The following WWOX variants were observed in gnomAD, a reference collection of about 807,000 sequenced individuals.
WWOX encodes WW domain-containing oxidoreductase.
A neutral mutation model predicts 46.2 loss-of-function variants in WWOX; 69 were observed. The ratio of observed to expected loss-of-function variants is 1.49; its 90% confidence interval spans 1.23 to 1.82. WWOX has a LOEUF of 1.82. Ranked by LOEUF, WWOX falls within the 40% of genes most tolerant of loss-of-function variation. The probability of loss-of-function intolerance (pLI) is 0.00; values close to 1 mark genes in which losing one functional copy is unlikely to be tolerated. For synonymous variants in WWOX, 359 were observed against 202.6 expected, an observed-to-expected ratio of 1.77 and a Z score of -6.56; for missense variants, 919 against 542.6, an observed-to-expected ratio of 1.69 and a Z score of -6.89.
At chr16:78,329,231 G>A (rs2080703827) in intron 5 of WWOX, among the ~76,000 whole-genome samples, 1 of 152,144 alleles carries the variant, frequency 6.6e-6, no homozygotes, top group African/African-American at 2.4e-5. Flanking sequence ...TCGGTGGACT[G>A]AACGTTTGGT....
At chr16:78,178,118 A>G (rs964199217) in intron 5 of WWOX, among the ~76,000 whole-genome samples, 1 of 152,190 alleles carries the variant, frequency 6.6e-6, no homozygotes, top group East Asian at 1.9e-4. Flanking sequence ...GCTGACAGTG[A>G]AGGGAGGAGC....
At chr16:78,695,334 C>T (rs1038662915) in intron 8 of WWOX, among the ~76,000 whole-genome samples, 2 of 152,040 alleles carry the variant, frequency 1.3e-5, no homozygotes, top group Non-Finnish European at 2.9e-5. Flanking sequence ...AATTTGAATC[C>T]TCCCATATGT....
At chr16:79,158,059 A>T (rs1350656960) in intron 8 of WWOX, among the ~76,000 whole-genome samples, 1 of 152,142 alleles carries the variant, frequency 6.6e-6, no homozygotes, top group African/African-American at 2.4e-5. Context: ...CTAGGAATTT[A>T]TTGACCCTGG....
intron 8 of WWOX, among the ~76,000 whole-genome samples, chr16:78,984,336 C>G (rs60617787): frequency 2.6e-5 from 4 of 152,132 alleles, no homozygotes; most frequent in Non-Finnish European, 4.4e-5. Context: ...AAAGCACTCT[C>G]TAGGTCAAGA....
At chr16:78,630,360 C>T (rs1262835961) in intron 8 of WWOX, among the ~76,000 whole-genome samples, 1 of 152,106 alleles carries the variant, frequency 6.6e-6, no homozygotes. Context: ...ATAAAGATGG[C>T]TCACTCTGTC....
chr16:78,468,334 T>G lies in WWOX; in HGVS notation c.1056+35582T>G, dbSNP rs1403221029. Among the ~76,000 whole-genome samples, 4 of 151,698 alleles carry G rather than the reference T, an allele frequency of 2.6e-5. No individual in the cohort carries two copies. In the East Asian group the frequency reaches 7.8e-4, roughly 29 times the overall value. ...ACTCCAGACTGTGAGGCCCCACCTGTGCAGCCTGCTGGCTTCTCATACCAG... is the reference window on the plus strand; with the variant it reads ...ACTCCAGACTGTGAGGCCCCACCTGGGCAGCCTGCTGGCTTCTCATACCAG... On this transcript the variant is annotated intron_variant, in intron 8 of 8. Coordinates refer to ENST00000566780, the MANE Select transcript of WWOX (RefSeq NM_016373.4).
chr16:78,214,847 G>T (rs879749641), intron 5 of WWOX, among the ~76,000 whole-genome samples: 2 of 150,098 alleles, frequency 1.3e-5, no homozygotes, highest in Non-Finnish European at 3.0e-5. Flanking sequence ...AAAAAAAAAG[G>T]TTTGTCGTTT....
At chr16:78,184,361 G>C (rs2035628523) in intron 5 of WWOX, among the ~76,000 whole-genome samples, 1 of 152,158 alleles carries the variant, frequency 6.6e-6, no homozygotes, top group Non-Finnish European at 1.5e-5. Flanking sequence ...CATGATGCCA[G>C]AGAAAATGAC....
At chr16:79,010,699 G>A (rs774456589) in intron 8 of WWOX, among the ~76,000 whole-genome samples, 7 of 152,080 alleles carry the variant, frequency 4.6e-5, no homozygotes, top group Non-Finnish European at 5.9e-5. Flanking sequence ...AGGCTTCCAG[G>A]CAGAGGAGGT....
intron 4 of WWOX, among the ~76,000 whole-genome samples, chr16:78,142,848 G>A (rs1003650114): frequency 6.6e-6 from 1 of 152,178 alleles, no homozygotes; most frequent in Non-Finnish European, 1.5e-5. Context: ...CTTAGAAACT[G>A]CCTTATTCAA....
chr16:78,813,839 C>T (rs1041188738), intron 8 of WWOX, among the ~76,000 whole-genome samples: 3 of 152,098 alleles, frequency 2.0e-5, no homozygotes, highest in African/African-American at 7.2e-5. Context: ...ACCACCTTTG[C>T]TAATTTCAGG....
intron 8 of WWOX, among the ~76,000 whole-genome samples, chr16:78,736,476 C>T (rs955305463): frequency 2.0e-5 from 3 of 152,156 alleles, no homozygotes; most frequent in South Asian, 2.1e-4. Flanking sequence ...TCCTGACCAC[C>T]GTTGGTGTCT....
intron 5 of WWOX, among the ~76,000 whole-genome samples, chr16:78,369,663 C>G (rs959543255): frequency 2.0e-5 from 3 of 151,510 alleles, no homozygotes; most frequent in Admixed American, 6.6e-5. Flanking sequence ...ATTGTGGGAC[C>G]AATTTCTCCA....
intron 8 of WWOX, among the ~76,000 whole-genome samples, chr16:78,949,472 CTCCCTGCAT>C (rs1406600884): frequency 6.6e-6 from 1 of 152,192 alleles, no homozygotes; most frequent in Non-Finnish European, 1.5e-5. Flanking sequence ...TGACACTCAG[CTCCCTGCAT>C]TCAATAGAAT....
At chr16:78,960,005 C>T (rs887985198) in intron 8 of WWOX, among the ~76,000 whole-genome samples, 5 of 152,128 alleles carry the variant, frequency 3.3e-5, no homozygotes, top group African/African-American at 1.2e-4. Flanking sequence ...AAAGGAAATA[C>T]CAATGACATT....
intron 5 of WWOX, among the ~76,000 whole-genome samples, chr16:78,169,823 G>C (rs2035095799): frequency 6.6e-6 from 1 of 151,996 alleles, no homozygotes; most frequent in African/African-American, 2.4e-5. Context: ...AGAGGAGAGG[G>C]ATTGTTATGA....
intron 8 of WWOX, among the ~76,000 whole-genome samples, chr16:78,520,017 C>T (rs557051264): frequency 1.3e-5 from 2 of 152,290 alleles, no homozygotes; most frequent in East Asian, 1.9e-4. Context: ...ACACTGAGAA[C>T]ATACTGTGAC....
chr16:78,811,726 A>G (rs1391950801), intron 8 of WWOX, among the ~76,000 whole-genome samples: 2 of 151,956 alleles, frequency 1.3e-5, no homozygotes, highest in Non-Finnish European at 2.9e-5. Flanking sequence ...CCCATCCTCA[A>G]GACTTCATCT....
intron 5 of WWOX, among the ~76,000 whole-genome samples, chr16:78,172,963 G>T (rs551324371): frequency 7.0e-4 from 107 of 152,282 alleles, no homozygotes; most frequent in African/African-American, 2.5e-3. Flanking sequence ...CATATTTATT[G>T]TGGGACATTT....
Sources: gnomAD v4.1 joint callset for allele counts (sites outside exome capture counted in the v4.1 genomes callset) on GRCh38, gnomAD v4.1.1 for gene constraint, MANE v1.5 for transcripts, NCBI Gene and HGNC (gene_info 2026-07-23, HGNC 2026-07-21) for gene names.